Variants in MAST4 observed in about 807,000 individuals in gnomAD.
The protein encoded by MAST4 is microtubule-associated serine/threonine-protein kinase 4.
In MAST4, 89 loss-of-function variants were observed where a neutral mutation model predicts 162.7. That is an observed-to-expected ratio of 0.55 (90% CI 0.46 to 0.65). The LOEUF (loss-of-function observed/expected upper bound fraction) is 0.65, where lower values mean the gene tolerates loss of function less well. Among genes scored for constraint, MAST4 ranks in the 30% least tolerant of loss-of-function variants. The pLI, the probability that MAST4 is intolerant of heterozygous loss-of-function variation, is 0.00. For synonymous variants in MAST4, 1,479 were observed against 1,361.1 expected (o/e 1.09, Z -1.91); for missense variants, 3,153 against 3,374.0 (o/e 0.93, Z 1.62).
chr5:67,162,949 C>G (rs560756759), intron 28 of MAST4, among the ~76,000 whole-genome samples, 161 bp downstream of exon 28: 191 of 152,196 alleles, frequency 1.3e-3, no homozygotes, highest in African/African-American at 4.3e-3. Flanking sequence ...GCTATTCTGA[C>G]CAAACAAATA....
chr5:66,691,665 C>T (rs1580208430), intron 1 of MAST4, among the ~76,000 whole-genome samples: 1 of 152,172 alleles, frequency 6.6e-6, no homozygotes, highest in Non-Finnish European at 1.5e-5. Context: ...GCTGTGTCTT[C>T]ACTTGGTGGA....
At chr5:66,742,912 A>G (rs552093048) in intron 1 of MAST4, among the ~76,000 whole-genome samples, 2 of 152,336 alleles carry the variant, frequency 1.3e-5, no homozygotes, top group Admixed American at 1.3e-4. Flanking sequence ...CCGGGTGAAT[A>G]GTAGAATAGG....
At position 67,078,891 on chromosome 5, in the gene MAST4, T is replaced by C. The variant is rs1279343418; in HGVS notation, c.764-11271T>C. Among the ~76,000 whole-genome samples, 8 of 89,222 alleles carry C rather than the reference T, an allele frequency of 9.0e-5. No individual in the cohort carries two copies. In the East Asian group the frequency reaches 2.3e-3, roughly 25 times the overall value. 58.5% of individuals were successfully genotyped at this position (89,222 alleles called of 152,430 possible). A position where few individuals can be genotyped will look rare whatever the true frequency, so the allele number is the denominator to read the frequency against. ...ATATATTTATATAAATATATTTATA[T>C]ATTTATATATTTTTATATAAATATA... On this transcript the variant is annotated intron_variant, in intron 5 of 28. Transcript: ENST00000403625.
intron 4 of MAST4, among the ~76,000 whole-genome samples, chr5:66,997,156 ATG>A (rs1160818147): frequency 4.0e-5 from 6 of 151,694 alleles, no homozygotes; most frequent in Non-Finnish European, 8.8e-5. Context: ...AAATATATCT[ATG>A]TATATATTAT....
intron 1 of MAST4, among the ~76,000 whole-genome samples, chr5:66,661,153 A>G (rs1051031938): frequency 2.0e-5 from 3 of 152,204 alleles, no homozygotes; most frequent in African/African-American, 7.2e-5. Flanking sequence ...GCTTTACCCT[A>G]ATAGAGGTTC....
chr5:66,915,684 C>T (rs190514202), intron 4 of MAST4, among the ~76,000 whole-genome samples: 4 of 152,264 alleles, frequency 2.6e-5, no homozygotes, highest in East Asian at 3.9e-4. Flanking sequence ...AGGCTGCACG[C>T]GGGCGCTGGT....
At chr5:66,874,789 T>C (rs1197958284) in intron 3 of MAST4, among the ~76,000 whole-genome samples, 1 of 152,204 alleles carries the variant, frequency 6.6e-6, no homozygotes, top group Admixed American at 6.5e-5. Context: ...GCTGGGAAAA[T>C]CAGCCCAGAG....
At chr5:66,675,527 T>C in intron 1 of MAST4, among the ~76,000 whole-genome samples, 1 of 145,026 alleles carries the variant, frequency 6.9e-6, no homozygotes, top group East Asian at 1.9e-4. Context: ...AAGTCTCATG[T>C]ACAAGTCATA....
chr5:67,156,745 G>GT (rs1772586570), intron 26 of MAST4, among the ~76,000 whole-genome samples: 1 of 152,250 alleles, frequency 6.6e-6, no homozygotes, highest in Admixed American at 6.5e-5. Context: ...AGATTGGGTA[G>GT]TGAAGGGGTT....
intron 17 of MAST4, among the ~76,000 whole-genome samples, chr5:67,133,926 ACT>A (rs2151003471): frequency 6.6e-6 from 1 of 152,286 alleles, no homozygotes; most frequent in East Asian, 1.9e-4. Context: ...CAAATGGAAT[ACT>A]GTTTTTGTAA....
chr5:67,057,941 T>TAAAA (rs11292115), intron 5 of MAST4, among the ~76,000 whole-genome samples: 1 of 138,128 alleles, frequency 7.2e-6, no homozygotes. Context: ...ATTGCAATTA[T>TAAAA]AAAAAAAAAA....
At chr5:66,803,037 C>T (rs1335543634) in intron 3 of MAST4, among the ~76,000 whole-genome samples, 2 of 152,158 alleles carry the variant, frequency 1.3e-5, no homozygotes, top group Non-Finnish European at 2.9e-5. Flanking sequence ...AATTCTAGTA[C>T]TGACGTTTCT....
chr5:66,809,090 A>G (rs376916206), intron 3 of MAST4, among the ~76,000 whole-genome samples: 1 of 152,338 alleles, frequency 6.6e-6, no homozygotes, highest in East Asian at 1.9e-4. Context: ...GTCAGCAGGT[A>G]TACATCTCCT....
At chr5:66,795,333 C>T (rs1755598317) in intron 3 of MAST4, among the ~76,000 whole-genome samples, 1 of 152,112 alleles carries the variant, frequency 6.6e-6, no homozygotes, top group Admixed American at 6.5e-5. Flanking sequence ...CAGGTTTTTC[C>T]TACTGCAAAT....
chr5:66,905,799 A>G (rs960056756), intron 4 of MAST4, among the ~76,000 whole-genome samples: 2 of 152,318 alleles, frequency 1.3e-5, no homozygotes, highest in African/African-American at 4.8e-5. Context: ...GATATTGGCA[A>G]TTGGTTGAAA....
chr5:66,795,053 T>G (rs940024998), intron 3 of MAST4, among the ~76,000 whole-genome samples: 6 of 152,200 alleles, frequency 3.9e-5, no homozygotes, highest in African/African-American at 1.4e-4. Context: ...TTTGCAGTCA[T>G]TTAGTATTAT....
chr5:66,902,338 G>A (rs1401646668), intron 4 of MAST4, among the ~76,000 whole-genome samples: 9 of 152,190 alleles, frequency 5.9e-5, no homozygotes, highest in Non-Finnish European at 4.4e-5. Context: ...AAAGATAGTA[G>A]CTTTAAAATT....
chr5:66,725,814 G>T (rs919511737), intron 1 of MAST4, among the ~76,000 whole-genome samples: 1 of 152,174 alleles, frequency 6.6e-6, no homozygotes, highest in African/African-American at 2.4e-5. Flanking sequence ...GAGGCACTAT[G>T]ATATGTGCCA....
At chr5:67,054,950 A>C (rs1758619659) in intron 5 of MAST4, among the ~76,000 whole-genome samples, 1 of 152,160 alleles carries the variant, frequency 6.6e-6, no homozygotes, top group African/African-American at 2.4e-5. Flanking sequence ...TTATAGAATT[A>C]TAAGGAAGGT....
Sources: allele counts gnomAD v4.1 joint callset (sites outside exome capture counted in the v4.1 genomes callset), GRCh38; gene constraint gnomAD v4.1.1; transcripts MANE v1.5; gene names NCBI Gene and HGNC (gene_info 2026-07-23, HGNC 2026-07-21).